The following TREX1 variants were observed in gnomAD, a reference collection of about 807,000 sequenced individuals.
The protein encoded by TREX1 is three prime repair exonuclease 1, also known as three-prime repair exonuclease 1.
A neutral mutation model predicts 13.7 loss-of-function variants in TREX1; 11 were observed. That is an observed-to-expected ratio of 0.80 (90% CI 0.51 to 1.33). The LOEUF (loss-of-function observed/expected upper bound fraction) is 1.33, where lower values mean the gene tolerates loss of function less well. TREX1 is among the 40% of genes most tolerant of loss of function. TREX1 has a pLI of 0.00. For synonymous variants in TREX1, 178 were observed against 178.8 expected (o/e 1.00, Z 0.03); for missense variants, 409 against 404.4 (o/e 1.01, Z -0.10).
At chr3:48,465,996 T>C (rs2040277205), upstream of TREX1, 2 of 301,080 alleles carry the variant, frequency 6.6e-6, no homozygotes, top group South Asian at 3.2e-5. Flanking sequence ...CGGGAGCTGG[T>C]CTGGCACCAC....
chr3:48,467,287 G>T lies in TREX1; in HGVS notation c.632G>T (p.Arg211Ile), dbSNP rs1052802319. The change falls in exon 2 of 2, where the codon AGA becomes ATA. Residue 211 changes from arginine (R) to isoleucine (I), a missense_variant. By Grantham distance (97) the Arg-to-Ile change is moderately conservative. Coordinates refer to ENST00000625293, the MANE Select transcript of TREX1 (RefSeq NM_033629.6). ...VLALLSICQWRPQALLRWVDA... is the reference protein window; with the variant it reads ...VLALLSICQWIPQALLRWVDA... ...GCCCTGCTCAGCATCTGTCAGTGGA[G>T]ACCACAGGCCCTGCTGCGGTGGGTG... 6.2e-7 allele frequency: 1 copy of T among 1,614,156 alleles called. No individual in the cohort carries two copies.
At position 48,467,082 on chromosome 3, in the gene TREX1, C is replaced by T; in HGVS notation, c.427C>T (p.Leu143Phe). 1 of 1,614,008 alleles carries T rather than the reference C, an allele frequency of 6.2e-7. No individual in the cohort carries two copies. Among genetic ancestry groups the T allele is most frequent in the Non-Finnish European group, 8.5e-7 (1 of 1,180,038 alleles). The change falls in exon 2 of 2, where the codon CTC becomes TTC. Residue 143 changes from leucine (L) to phenylalanine (F), a missense_variant. Transcript: ENST00000625293. ...CCAAGCAGAGCTGGCTATGCTGGGC[C>T]TCACCAGTGCTCTGGATGGTGCCTT... ...LLQAELAMLG[L>F]TSALDGAFCV...
chr3:48,467,486 G>A lies in TREX1; in HGVS notation c.831G>A (p.Lys277=). ...GTACCAAGGATCTTCCTCCAGTGAAGGACCCTGGAGCCCTATCCAGGGAGG... is the reference window on the plus strand; with the variant it reads ...GTACCAAGGATCTTCCTCCAGTGAAAGACCCTGGAGCCCTATCCAGGGAGG... ...SRGTKDLPPV[K]DPGALSREGL... Residue 277 remains lysine, a synonymous_variant, in exon 2 of 2, where the codon AAG becomes AAA. Coordinates refer to ENST00000625293, the MANE Select transcript of TREX1 (RefSeq NM_033629.6). The A allele has an allele frequency of 6.2e-7, 1 of 1,614,140 alleles. No individual in the cohort carries two copies. The highest frequency in any genetic ancestry group is 8.5e-7 in the Non-Finnish European group (1 of 1,180,030).
Position 48,466,957 on chromosome 3 carries a change from A to G in TREX1, c.302A>G (p.Asp101Gly). Reference sequence around the variant, plus strand: ...GCAGCGCATGGGCGTCAATGTTTTGATGACAACCTGGCCAACCTGCTCCTA... The same window carrying G: ...GCAGCGCATGGGCGTCAATGTTTTGGTGACAACCTGGCCAACCTGCTCCTA... ...VLAAHGRQCF[D>G]DNLANLLLAF... The change falls in exon 2 of 2, where the codon GAT (aspartate) becomes GGT (glycine). Residue 101 changes from aspartate to glycine, a missense_variant. Coordinates refer to ENST00000625293, the MANE Select transcript of TREX1 (RefSeq NM_033629.6). The G allele has an allele frequency of 6.2e-7, 1 of 1,612,182 alleles. No individual in the cohort carries two copies. Among genetic ancestry groups the G allele is most frequent in the Non-Finnish European group, 8.5e-7 (1 of 1,180,020 alleles).
rs750099679 is a variant in TREX1, at chr3:48,466,600, C to T, written c.-26-30C>T. The T allele has an allele frequency of 1.1e-5, 17 of 1,613,858 alleles. 1 individual carries two copies. The highest frequency in any genetic ancestry group is 1.6e-4 in the Middle Eastern group (1 of 6,084). ...CCCCTTCGGATCTTAACACTGGGCA[C>T]TCACACACCCACCCCATGCTCCTCT... On this transcript the variant is annotated intron_variant, in intron 1 of 1. Coordinates refer to ENST00000625293, the MANE Select transcript of TREX1 (RefSeq NM_033629.6).
In TREX1 at chr3:48,467,038, G is replaced by A. The variant is rs751124579; in HGVS notation, c.383G>A (p.Arg128His). The change falls in exon 2 of 2, where the codon CGC becomes CAC. Residue 128 changes from arginine to histidine, a missense_variant. By Grantham distance (29) the Arg-to-His change is conservative (BLOSUM62 0). Transcript: ENST00000625293. The part of the protein sequence containing the change: ...PWCLVAHNGD[R>H]YDFPLLQAEL... ...TGCCTGGTGGCACACAATGGTGACC[G>A]CTACGACTTCCCCCTGCTCCAAGCA... 1.1e-5 allele frequency: 17 copies of A among 1,613,820 alleles called. No individual in the cohort carries two copies. Among genetic ancestry groups the A allele is most frequent in the South Asian group, 1.1e-5 (1 of 91,090 alleles).
rs1194782681 is a variant in TREX1, at chr3:48,466,328, A to G, written c.-27+19A>G. ...TGCTACGGTGAGTGTGGCCCCCACA[A>G]TGGGATGGCGCAGGGCAGGAGGGCC... is the stretch of plus-strand genomic sequence containing the variant. On this transcript the variant is annotated intron_variant, in intron 1 of 1. Coordinates refer to ENST00000625293, the MANE Select transcript of TREX1 (RefSeq NM_033629.6). The G allele has an allele frequency of 1.1e-5, 10 of 905,254 alleles. No homozygotes were observed. Among genetic ancestry groups the G allele is most frequent in the East Asian group, 5.3e-5 (2 of 37,868 alleles). The allele number at this position is 905,254 out of a possible 1,614,324, so 56.1% of individuals were successfully genotyped here. A position where few individuals can be genotyped will look rare whatever the true frequency, so the allele number is the denominator to read the frequency against.
At position 48,466,812 on chromosome 3, in the gene TREX1, C is replaced by A. The variant is rs777638105; in HGVS notation, c.157C>A (p.Pro53Thr). The A allele has an allele frequency of 6.2e-7, 1 of 1,613,970 alleles. No individual in the cohort carries two copies. Among genetic ancestry groups the A allele is most frequent in the South Asian group, 1.1e-5 (1 of 91,082 alleles). The change falls in exon 2 of 2, where the codon CCA becomes ACA. Residue 53 changes from proline to threonine, a missense_variant. Physicochemically the swap from Pro to Thr is conservative, Grantham distance 38. Coordinates refer to ENST00000625293, the MANE Select transcript of TREX1 (RefSeq NM_033629.6). ...GGAGAGCCCCCCCACCTCTCAGGGG[C>A]CACCTCCCACAGTTCCTCCACCACC... The part of the protein sequence containing the change: ...ALESPPTSQG[P>T]PPTVPPPPRV...
Position 48,467,498 on chromosome 3 carries a change from C to T in TREX1, c.843C>T (p.Ala281=), listed in dbSNP as rs200719301. 5.7e-5 allele frequency: 92 copies of T among 1,614,100 alleles called. 1 individual carries two copies. In the East Asian group the frequency reaches 1.9e-3, roughly 34 times the overall value. ...TTCCTCCAGTGAAGGACCCTGGAGC[C>T]CTATCCAGGGAGGGGCTGCTGGCCC... The part of the protein sequence containing the change: ...KDLPPVKDPG[A]LSREGLLAPL... The change falls in exon 2 of 2, where the codon GCC becomes GCT. Residue 281 remains alanine, a synonymous_variant. Coordinates refer to ENST00000625293, the MANE Select transcript of TREX1 (RefSeq NM_033629.6).
Position 48,467,411 on chromosome 3 carries a change from A to G in TREX1, c.756A>G (p.Ala252=), listed in dbSNP as rs753218079. Residue 252 remains alanine (A), a synonymous_variant, in exon 2 of 2, where the codon GCA becomes GCG. Transcript: ENST00000625293. ...KPRPSAVTTT[A]HLATTRNTSP... is the part of the protein sequence containing the mutation. ...GACCATCTGCTGTCACAACCACTGC[A>G]CACCTGGCCACAACCAGGAACACTA... is the stretch of plus-strand genomic sequence containing the variant. The G allele has an allele frequency of 6.2e-7, 1 of 1,614,182 alleles. No homozygotes were observed. Among genetic ancestry groups the G allele is most frequent in the Non-Finnish European group, 8.5e-7 (1 of 1,180,032 alleles).
At chr3:48,466,541 G>A (rs1306718039) in intron 1 of TREX1, 89 bp from the exon 2 acceptor site, 1 of 1,613,840 alleles carries the variant, frequency 6.2e-7, no homozygotes, top group East Asian at 2.2e-5. Flanking sequence ...GAAGGCCTGA[G>A]ATGTGCTTCT....
rs745434375 is a variant in TREX1, at chr3:48,466,902, G to C, written c.247G>C (p.Glu83Gln). 6.2e-7 allele frequency: 1 copy of C among 1,611,908 alleles called. No homozygotes were observed. The highest frequency in any genetic ancestry group is 1.3e-5 in the African/African-American group (1 of 74,938). Residue 83 changes from glutamate (E) to glutamine (Q), a missense_variant, in exon 2 of 2, where the codon GAG (glutamate) becomes CAG (glutamine). Glu to Gln is a conservative substitution (Grantham distance 29). Transcript: ENST00000625293. ...PGKACSPAAS[E>Q]ITGLSTAVLA... ...GAAGGCCTGCAGCCCTGCAGCCAGCGAGATCACAGGTCTGAGCACAGCTGT... is the reference window on the plus strand; with the variant it reads ...GAAGGCCTGCAGCCCTGCAGCCAGCCAGATCACAGGTCTGAGCACAGCTGT...
rs765487310 is a variant in TREX1, at chr3:48,467,563, C to T, written c.908C>T (p.Thr303Ile). 9 of 1,613,806 alleles carry T rather than the reference C, an allele frequency of 5.6e-6. No individual in the cohort carries two copies. The highest frequency in any genetic ancestry group is 5.1e-6 in the Non-Finnish European group (6 of 1,179,936). The change falls in exon 2 of 2, where the codon ACA becomes ATA. Residue 303 changes from threonine to isoleucine, a missense_variant. By Grantham distance (89) the Thr-to-Ile change is moderately conservative. Transcript: ENST00000625293. The stretch of plus-strand genomic sequence containing the variant: ...GCCATCCTGACCTTGGCAGTAGCCA[C>T]ACTGTATGGACTATCCCTGGCCACA... ...LLAILTLAVA[T>I]LYGLSLATPG...
chr3:48,466,308 C>T lies in TREX1; in HGVS notation c.-28C>T, dbSNP rs1267181465. Reference sequence around the variant, plus strand: ...CTACTGCCTGCCTGCCTGCCTGCTACGGTGAGTGTGGCCCCCACAATGGGA... The same window carrying T: ...CTACTGCCTGCCTGCCTGCCTGCTATGGTGAGTGTGGCCCCCACAATGGGA... On this transcript the variant is annotated splice_region_variant and 5_prime_UTR_variant, in exon 1 of 2. The change creates a new upstream start codon in the 5' untranslated region. Transcript: ENST00000625293. 7 of 751,076 alleles carry T rather than the reference C, an allele frequency of 9.3e-6. No individual in the cohort carries two copies. The highest frequency in any genetic ancestry group is 3.2e-5 in the South Asian group (2 of 62,274). The allele number at this position is 751,076 out of a possible 1,614,324, so 46.5% of individuals were successfully genotyped here.
At chr3:48,466,176 G>A (rs3135940), upstream of TREX1, 31 of 508,390 alleles carry the variant, frequency 6.1e-5, no homozygotes, top group Admixed American at 2.3e-4. Context: ...GCAGGCTGAC[G>A]AGCAGGGCGG....
At position 48,466,795 on chromosome 3, in the gene TREX1, C is replaced by A. The variant is rs1012563521; in HGVS notation, c.140C>A (p.Pro47His). 8 of 1,613,818 alleles carry A rather than the reference C, an allele frequency of 5.0e-6. No individual in the cohort carries two copies. The highest frequency in any genetic ancestry group is 5.9e-6 in the Non-Finnish European group (7 of 1,180,036). Reference protein sequence around the residue: ...LAVHRCALESPPTSQGPPPTV... With the variant: ...LAVHRCALESHPTSQGPPPTV... ...GTCCACAGATGTGCCCTGGAGAGCC[C>A]CCCCACCTCTCAGGGGCCACCTCCC... The change falls in exon 2 of 2, where the codon CCC becomes CAC. Residue 47 changes from proline to histidine, a missense_variant. Coordinates refer to ENST00000625293, the MANE Select transcript of TREX1 (RefSeq NM_033629.6).
Position 48,466,283 on chromosome 3 carries a change from C to G in TREX1, c.-53C>G. The G allele has an allele frequency of 1.5e-6, 1 of 671,062 alleles. No individual in the cohort carries two copies. The allele number at this position is 671,062 out of a possible 1,614,324, so 41.6% of individuals were successfully genotyped here. A position where few individuals can be genotyped will look rare whatever the true frequency, so the allele number is the denominator to read the frequency against. Reference sequence around the variant, plus strand: ...CGCGGGAGAGTGTGCAGCCGAGTCACTACTGCCTGCCTGCCTGCCTGCTAC... The same window carrying G: ...CGCGGGAGAGTGTGCAGCCGAGTCAGTACTGCCTGCCTGCCTGCCTGCTAC... On this transcript the variant is annotated 5_prime_UTR_variant, in exon 1 of 2. Transcript: ENST00000625293.
chr3:48,467,205 A>C lies in TREX1; in HGVS notation c.550A>C (p.Thr184Pro). Residue 184 changes from threonine to proline, a missense_variant, in exon 2 of 2, where the codon ACT becomes CCT. Thr to Pro is a conservative substitution (Grantham distance 38, BLOSUM62 -1). Transcript: ENST00000625293. ...RKSYSLGSIY[T>P]RLYGQSPPDS... is the part of the protein sequence containing the mutation. ...GAGCTATAGCCTAGGCAGCATCTAC[A>C]CTCGCCTGTATGGGCAGTCCCCTCC... is the stretch of plus-strand genomic sequence containing the variant. 1 of 1,613,796 alleles carries C rather than the reference A, an allele frequency of 6.2e-7. No individual in the cohort carries two copies. The highest frequency in any genetic ancestry group is 8.5e-7 in the Non-Finnish European group (1 of 1,179,928).
chr3:48,467,343 A>G lies in TREX1; in HGVS notation c.688A>G (p.Arg230Gly). The G allele has an allele frequency of 6.2e-7, 1 of 1,614,188 alleles. No homozygotes were observed. Among genetic ancestry groups the G allele is most frequent in the South Asian group, 1.1e-5 (1 of 91,088 alleles). Reference sequence around the variant, plus strand: ...TCACGCCAGGCCTTTCGGCACCATCAGGCCCATGTATGGGGTCACAGCCTC... The same window carrying G: ...TCACGCCAGGCCTTTCGGCACCATCGGGCCCATGTATGGGGTCACAGCCTC... ...DAHARPFGTIRPMYGVTASAR... is the reference protein window; with the variant it reads ...DAHARPFGTIGPMYGVTASAR... The change falls in exon 2 of 2, where the codon AGG becomes GGG. Residue 230 changes from arginine (R) to glycine (G), a missense_variant. Arg to Gly is a moderately radical substitution (Grantham distance 125). Transcript: ENST00000625293.
Sources: gnomAD v4.1 joint callset for allele counts on GRCh38, gnomAD v4.1.1 for gene constraint, MANE v1.5 for transcripts, NCBI Gene and HGNC (gene_info 2026-07-23, HGNC 2026-07-21) for gene names.